The following CCSER2 variants were observed in gnomAD, a reference collection of about 807,000 sequenced individuals.
The protein encoded by CCSER2 is serine-rich coiled-coil domain-containing protein 2.
A neutral mutation model predicts 92.3 loss-of-function variants in CCSER2; 46 were observed. The ratio of observed to expected loss-of-function variants is 0.50; its 90% CI spans 0.39 to 0.64. CCSER2 has a LOEUF of 0.64. Ranked by LOEUF, CCSER2 falls within the 30% of genes least tolerant of loss-of-function variation. The pLI, the probability that CCSER2 is intolerant of heterozygous loss-of-function variation, is 0.00. For synonymous variants in CCSER2, 433 were observed against 431.4 expected (o/e 1.00, Z -0.04); for missense variants, 1,244 against 1,238.9 (o/e 1.00, Z -0.06).
intron 3 of CCSER2, among the ~76,000 whole-genome samples, chr10:84,398,223 A>C (rs934397227): frequency 1.8e-4 from 28 of 152,124 alleles, no homozygotes; most frequent in Admixed American, 2.0e-4. Context: ...CAAACCGAGC[A>C]ACACCGCACC....
intron 6 of CCSER2, among the ~76,000 whole-genome samples, chr10:84,463,253 AT>A (rs1175871551): frequency 3.9e-5 from 6 of 152,194 alleles, no homozygotes; most frequent in African/African-American, 1.4e-4. Flanking sequence ...AGGTGTACCA[AT>A]CTTAAGTGTA....
At chr10:84,474,585 C>T (rs1367974653) in intron 8 of CCSER2, among the ~76,000 whole-genome samples, 1 of 148,062 alleles carries the variant, frequency 6.8e-6, no homozygotes, top group Non-Finnish European at 1.5e-5. Context: ...CACTTGAACC[C>T]GTGAGGCCGA....
intron 1 of CCSER2, among the ~76,000 whole-genome samples, chr10:84,347,448 C>T (rs1391828778): frequency 8.1e-5 from 12 of 148,112 alleles, no homozygotes; most frequent in Admixed American, 2.0e-4. Context: ...GTCGGCTGGC[C>T]GGGCGGGGGC....
At chr10:84,351,241 T>A (rs1398920249) in intron 1 of CCSER2, among the ~76,000 whole-genome samples, 2 of 152,038 alleles carry the variant, frequency 1.3e-5, no homozygotes, top group Admixed American at 1.3e-4. Context: ...TTTTTGTTTT[T>A]TGTTTTTTTT....
intron 1 of CCSER2, among the ~76,000 whole-genome samples, chr10:84,332,206 C>T (rs1274793882): frequency 6.6e-6 from 1 of 151,798 alleles, no homozygotes; most frequent in Non-Finnish European, 1.5e-5. Context: ...AGTTTAACAT[C>T]ATAGTCCATA....
In CCSER2 at chr10:84,514,109, C is replaced by T; in HGVS notation, c.2986C>T (p.Pro996Ser). Residue 996 changes from proline to serine, a missense_variant, in exon 10 of 10, where the codon CCC becomes TCC. Coordinates refer to ENST00000372088, the MANE Select transcript of CCSER2 (RefSeq NM_001284240.2). ...GSFKQKQTNSPQLEPQSFQAK... is the reference protein window; with the variant it reads ...GSFKQKQTNSSQLEPQSFQAK... ...TTTCAAACAAAAACAAACAAACAGC[C>T]CCCAACTAGAGCCTCAAAGCTTCCA... is the stretch of plus-strand genomic sequence containing the variant. 1 of 1,536,116 alleles carries T rather than the reference C, an allele frequency of 6.5e-7. No homozygotes were observed. Among genetic ancestry groups the T allele is most frequent in the South Asian group, 1.2e-5 (1 of 84,044 alleles).
chr10:84,463,520 T>C (rs1003027613), intron 6 of CCSER2, among the ~76,000 whole-genome samples: 1 of 152,212 alleles, frequency 6.6e-6, no homozygotes, highest in African/African-American at 2.4e-5. Context: ...TAAGCCTTAC[T>C]GGGTTACTTA....
chr10:84,433,955 A>G (rs1048146336), intron 5 of CCSER2, among the ~76,000 whole-genome samples: 28 of 152,162 alleles, frequency 1.8e-4, no homozygotes, highest in Admixed American at 1.7e-3. Context: ...TCGGCCACAT[A>G]AGATCTCACT....
chr10:84,373,898 A>T, intron 3 of CCSER2, 83 bp downstream of exon 3: 3 of 1,568,332 alleles, frequency 1.9e-6, no homozygotes, highest in Non-Finnish European at 2.6e-6. Context: ...TTTGTAAAAA[A>T]TTTATGAATT....
chr10:84,391,406 G>A, intron 3 of CCSER2: 1 of 1,506,486 alleles, frequency 6.6e-7, no homozygotes, highest in Non-Finnish European at 9.2e-7. Context: ...GTGGATGCAG[G>A]ATAAAATGCT....
intron 5 of CCSER2, among the ~76,000 whole-genome samples, chr10:84,428,818 G>A (rs1843585113): frequency 6.6e-6 from 1 of 151,976 alleles, no homozygotes; most frequent in South Asian, 2.1e-4. Flanking sequence ...ATGAAAGGGT[G>A]TTGGATTTTG....
intron 7 of CCSER2, among the ~76,000 whole-genome samples, chr10:84,468,711 A>G (rs1238099438): frequency 6.6e-6 from 1 of 151,460 alleles, no homozygotes; most frequent in Non-Finnish European, 1.5e-5. Context: ...GTCCTCTTAC[A>G]GGACAATTGT....
chr10:84,479,135 G>C (rs1167228781), intron 9 of CCSER2, among the ~76,000 whole-genome samples: 1 of 152,166 alleles, frequency 6.6e-6, no homozygotes, highest in East Asian at 1.9e-4. Flanking sequence ...TCACTGTTCT[G>C]GAAACTGGAT....
At position 84,456,354 on chromosome 10, in the gene CCSER2, C is replaced by CT. The variant is rs199588546; in HGVS notation, c.2065-7572dup. 2.7e-3 allele frequency among the ~76,000 whole-genome samples: 418 copies of CT among 152,120 alleles called. 16 individuals are homozygous for CT. In the East Asian group the frequency reaches 0.071, roughly 26 times the overall value. ...TATAATATATAGCCTTTGAGTCTGG[C>CT]TTTTTTTACTTAACATAATGCAACT... On this transcript the variant is annotated intron_variant, in intron 6 of 9. Coordinates refer to ENST00000372088, the MANE Select transcript of CCSER2 (RefSeq NM_001284240.2).
chr10:84,364,809 T>C (rs1424663772), intron 1 of CCSER2, among the ~76,000 whole-genome samples: 3 of 150,882 alleles, frequency 2.0e-5, no homozygotes, highest in African/African-American at 4.9e-5. Flanking sequence ...TGGTATGATC[T>C]CGGCTCACTG....
At chr10:84,361,974 C>T (rs780799128) in intron 1 of CCSER2, among the ~76,000 whole-genome samples, 4 of 152,148 alleles carry the variant, frequency 2.6e-5, no homozygotes, top group African/African-American at 7.2e-5. Flanking sequence ...ATAATTCTAA[C>T]GTATGTAGAT....
intron 3 of CCSER2, among the ~76,000 whole-genome samples, chr10:84,407,475 C>T (rs1365914410): frequency 6.6e-6 from 1 of 151,332 alleles, no homozygotes; most frequent in Admixed American, 6.6e-5. Context: ...AGGAGTCATC[C>T]ATGGCTTCTT....
At chr10:84,499,724 G>C in intron 9 of CCSER2, 1 of 604,396 alleles carries the variant, frequency 1.7e-6, no homozygotes, top group South Asian at 2.6e-5. Context: ...TTAGTAATTT[G>C]AGCTGCCTGT....
At chr10:84,470,483 G>T in intron 8 of CCSER2, 25 bp downstream of exon 8, 1 of 1,365,580 alleles carries the variant, frequency 7.3e-7, no homozygotes, top group South Asian at 1.6e-5. Flanking sequence ...ATAATGTATA[G>T]AGACTTTTCA....
Sources: allele counts gnomAD v4.1 joint callset (sites outside exome capture counted in the v4.1 genomes callset), GRCh38; gene constraint gnomAD v4.1.1; transcripts MANE v1.5; gene names NCBI Gene and HGNC (gene_info 2026-07-23, HGNC 2026-07-21).